The following STXBP6 variants were observed in gnomAD, a reference collection of about 807,000 sequenced individuals.
STXBP6 encodes the protein syntaxin-binding protein 6.
STXBP6 carries 21 observed loss-of-function variants against 26.9 expected under a neutral mutation model. The ratio of observed to expected loss-of-function variants is 0.78; its 90% CI spans 0.55 to 1.12. The LOEUF (loss-of-function observed/expected upper bound fraction) is 1.12. Among genes scored for constraint, STXBP6 ranks in the 50% most tolerant of loss-of-function variants. The pLI, the probability that STXBP6 is intolerant of heterozygous loss-of-function variation, is 0.00. For synonymous variants in STXBP6, 97 were observed against 92.6 expected, an observed-to-expected ratio of 1.05 and a Z score of -0.27; for missense variants, 232 against 257.9, an observed-to-expected ratio of 0.90 and a Z score of 0.69.
intron 2 of STXBP6, among the ~76,000 whole-genome samples, chr14:24,933,236 G>A (rs1009993134): frequency 6.6e-6 from 1 of 152,150 alleles, no homozygotes; most frequent in Non-Finnish European, 1.5e-5. Context: ...CAACTACTTG[G>A]GAGGCTGAGG....
At chr14:24,816,412 T>C (rs2067977280) in intron 5 of STXBP6, 1 of 151,360 alleles carries the variant, frequency 6.6e-6, no homozygotes, top group Non-Finnish European at 1.5e-5. Context: ...TCTAAAGAGG[T>C]CAATCTGCTT....
In STXBP6 at chr14:24,921,767, A is replaced by G. The variant is rs144726821; in HGVS notation, c.154+52898T>C. On this transcript the variant is annotated intron_variant, in intron 2 of 5. Transcript: ENST00000323944. ...AAAAGGAAATTGTCCCCCTCTGCCT[A>G]TTTTAACCTATGTTATTGACTACTA... Among the ~76,000 whole-genome samples the G allele has an allele frequency of 3.3e-3, 508 of 152,252 alleles. 11 individuals carry two copies. Among genetic ancestry groups the G allele is most frequent in the Admixed American group, 0.026 (401 of 15,278 alleles).
intron 5 of STXBP6, among the ~76,000 whole-genome samples, chr14:24,818,638 A>G (rs1267222484): frequency 6.6e-6 from 1 of 152,202 alleles, no homozygotes; most frequent in African/African-American, 2.4e-5. Flanking sequence ...GACAGGATGG[A>G]AAAGCAAGCA....
intron 1 of STXBP6, among the ~76,000 whole-genome samples, chr14:25,041,660 T>C (rs1435410843): frequency 6.6e-6 from 1 of 152,180 alleles, no homozygotes; most frequent in East Asian, 1.9e-4. Flanking sequence ...GTGACTAGAC[T>C]GCAGCACACA....
At chr14:24,928,282 A>G (rs529722271) in intron 2 of STXBP6, among the ~76,000 whole-genome samples, 23 of 152,156 alleles carry the variant, frequency 1.5e-4, no homozygotes, top group Non-Finnish European at 2.2e-4. Context: ...GAAAAGTGGG[A>G]GAGAATATAC....
At chr14:25,026,539 G>C (rs2075353221) in intron 1 of STXBP6, among the ~76,000 whole-genome samples, 1 of 152,082 alleles carries the variant, frequency 6.6e-6, no homozygotes, top group Non-Finnish European at 1.5e-5. Context: ...GATACATGAA[G>C]AACATAAATA....
chr14:24,967,701 C>G (rs1015424913), intron 2 of STXBP6, among the ~76,000 whole-genome samples: 1 of 152,124 alleles, frequency 6.6e-6, no homozygotes, highest in African/African-American at 2.4e-5. Context: ...AATAAAGAGA[C>G]AAAAGGCTTA....
intron 2 of STXBP6, among the ~76,000 whole-genome samples, chr14:24,858,767 C>T (rs1314656594): frequency 3.3e-5 from 5 of 151,982 alleles, no homozygotes; most frequent in African/African-American, 7.2e-5. Context: ...CCTGCTCTTA[C>T]GTTTTAATGT....
intron 2 of STXBP6, among the ~76,000 whole-genome samples, chr14:24,930,207 C>T (rs1473556613): frequency 6.6e-6 from 1 of 151,760 alleles, no homozygotes; most frequent in Admixed American, 6.5e-5. Flanking sequence ...AGGACAATCA[C>T]GTGGGGATAA....
chr14:24,934,860 T>G (rs1259558143), intron 2 of STXBP6, among the ~76,000 whole-genome samples: 3 of 152,120 alleles, frequency 2.0e-5, no homozygotes, highest in Admixed American at 1.3e-4. Context: ...CAAACTGACC[T>G]CTGATAGAGA....
chr14:24,861,274 A>G (rs2069529931), intron 2 of STXBP6, among the ~76,000 whole-genome samples: 1 of 152,160 alleles, frequency 6.6e-6, no homozygotes, highest in African/African-American at 2.4e-5. Context: ...GATTTCAACA[A>G]GAGTGCTGAT....
At chr14:24,854,402 T>C (rs576039741) in intron 4 of STXBP6, among the ~76,000 whole-genome samples, 64 of 152,188 alleles carry the variant, frequency 4.2e-4, no homozygotes, top group Middle Eastern at 3.4e-3. Flanking sequence ...GGAGTCTTTC[T>C]CCAAGAGCAA....
chr14:24,816,905 G>A (rs1188086207), intron 5 of STXBP6: 2 of 152,074 alleles, frequency 1.3e-5, no homozygotes, highest in Admixed American at 6.5e-5. Flanking sequence ...TGACTGAATA[G>A]GGCAGGGTCA....
intron 2 of STXBP6, among the ~76,000 whole-genome samples, chr14:24,937,834 A>T (rs1353209441): frequency 2.0e-5 from 3 of 150,642 alleles, no homozygotes; most frequent in Admixed American, 6.6e-5. Context: ...GCTGAGATTT[A>T]AAAAAAAAAT....
chr14:24,999,259 A>G (rs2074687524), intron 1 of STXBP6, among the ~76,000 whole-genome samples: 1 of 152,182 alleles, frequency 6.6e-6, no homozygotes, highest in South Asian at 2.1e-4. Flanking sequence ...GACTGCAGAA[A>G]ACCAAGAAGG....
At position 24,939,496 on chromosome 14, in the gene STXBP6, C is replaced by G. The variant is rs138801621; in HGVS notation, c.154+35169G>C. Among the ~76,000 whole-genome samples the G allele has an allele frequency of 3.0e-3, 454 of 150,444 alleles. 2 individuals carry two copies. Among genetic ancestry groups the G allele is most frequent in the African/African-American group, 0.011 (437 of 40,748 alleles). Reference sequence around the variant, plus strand: ...TTTTTCCAGTTACAGCTCTGTTGGGCTAACCTGAGAGGTGAAAACTGAGAA... The same window carrying G: ...TTTTTCCAGTTACAGCTCTGTTGGGGTAACCTGAGAGGTGAAAACTGAGAA... On this transcript the variant is annotated intron_variant, in intron 2 of 5. Coordinates refer to ENST00000323944, the MANE Select transcript of STXBP6 (RefSeq NM_001394410.1).
intron 2 of STXBP6, among the ~76,000 whole-genome samples, chr14:24,956,312 G>T (rs1406980698): frequency 6.6e-6 from 1 of 152,134 alleles, no homozygotes; most frequent in Non-Finnish European, 1.5e-5. Flanking sequence ...GGCTGCCTAT[G>T]GGGACACAGG....
At chr14:25,031,584 A>G (rs1308638418) in intron 1 of STXBP6, among the ~76,000 whole-genome samples, 1 of 152,262 alleles carries the variant, frequency 6.6e-6, no homozygotes. Context: ...AAATAAAGAT[A>G]CAGGATAATA....
chr14:24,983,886 A>C (rs947267445), intron 1 of STXBP6, among the ~76,000 whole-genome samples: 14 of 152,232 alleles, frequency 9.2e-5, no homozygotes, highest in Non-Finnish European at 5.9e-5. Context: ...CCTAAAATAC[A>C]GTTGAAACAA....
Sources: allele counts gnomAD v4.1 joint callset (sites outside exome capture counted in the v4.1 genomes callset), GRCh38; gene constraint gnomAD v4.1.1; transcripts MANE v1.5; gene names NCBI Gene and HGNC (gene_info 2026-07-23, HGNC 2026-07-21).